PLEKHG6: variants seen among roughly 807,000 people sequenced by gnomAD.
PLEKHG6 encodes the protein pleckstrin homology and RhoGEF domain containing G6.
Under a neutral mutation model 97.5 loss-of-function variants are expected in PLEKHG6, and 91 were observed. The ratio of observed to expected loss-of-function variants is 0.93; its 90% CI spans 0.79 to 1.11. The LOEUF (loss-of-function observed/expected upper bound fraction) is 1.11, where lower values mean the gene tolerates loss of function less well. PLEKHG6 is among the 50% of genes most tolerant of loss of function. The pLI, the probability that PLEKHG6 is intolerant of heterozygous loss-of-function variation, is 0.00. For synonymous variants in PLEKHG6, 466 were observed against 425.5 expected, an observed-to-expected ratio of 1.10 and a Z score of -1.17; for missense variants, 1,044 against 1,031.0, an observed-to-expected ratio of 1.01 and a Z score of -0.17.
chr12:6,313,714 G>A lies in PLEKHG6; in HGVS notation c.224G>A (p.Arg75Gln), dbSNP rs145759111. 8.7e-5 allele frequency: 141 copies of A among 1,612,728 alleles called. No homozygotes were observed. Among genetic ancestry groups the A allele is most frequent in the Non-Finnish European group, 1.0e-4 (122 of 1,179,558 alleles). ...QARGLSPMRL[R>Q]DPEPEKRHGG... ...CGAGGCCTGTCACCCATGAGACTGC[G>A]AGATCCAGAGCCCGAGAAGAGGCAC... Residue 75 changes from arginine to glutamine, a missense_variant, in exon 3 of 16, where the codon CGA (arginine) becomes CAA (glutamine). Physicochemically the swap from Arg to Gln is conservative, Grantham distance 43 (BLOSUM62 1). Transcript: ENST00000684764.
chr12:6,312,085 C>A, intron 1 of PLEKHG6, 74 bp from the exon 2 acceptor site: 2 of 630,336 alleles, frequency 3.2e-6, no homozygotes, highest in Non-Finnish European at 2.5e-6. Flanking sequence ...AGGCCCCCTA[C>A]CAGCCTTGGT....
chr12:6,324,277 T>G (rs1036897952), intron 13 of PLEKHG6, among the ~76,000 whole-genome samples: 1 of 67,196 alleles, frequency 1.5e-5, no homozygotes. Context: ...TACTCGGGGC[T>G]CCCCCTCGCC....
chr12:6,314,868 T>C, intron 3 of PLEKHG6, 137 bp from the exon 4 acceptor site: 1 of 784,336 alleles, frequency 1.3e-6, no homozygotes, highest in Non-Finnish European at 2.1e-6. Context: ...TACTCAGTGC[T>C]GCTTGCCATC....
Position 6,315,238 on chromosome 12 carries a change from G to A in PLEKHG6, c.459+69G>A. The A allele has an allele frequency of 6.9e-7, 1 of 1,459,416 alleles. No homozygotes were observed. Among genetic ancestry groups the A allele is most frequent in the Non-Finnish European group, 9.3e-7 (1 of 1,077,440 alleles). 90.4% of individuals were successfully genotyped at this position (1,459,416 alleles called of 1,614,324 possible). On this transcript the variant is annotated intron_variant, in intron 4 of 15. Transcript: ENST00000684764. The surrounding 1 kb of genome is among the most constrained non-coding windows in gnomAD (Gnocchi z 4.5). Reference sequence around the variant, plus strand: ...ATGCACACACAGATTCTGCTCTAGAGGAGGGAAAGGCCTTGGGAAGTGGGG... The same window carrying A: ...ATGCACACACAGATTCTGCTCTAGAAGAGGGAAAGGCCTTGGGAAGTGGGG...
Position 6,325,509 on chromosome 12 carries a change from A to C in PLEKHG6, c.1525-919A>C, listed in dbSNP as rs3782720. On this transcript the variant is annotated intron_variant, in intron 13 of 15. Transcript: ENST00000684764. ...CCTGTATGAAATCGCTGAGGGAGGG[A>C]GAAGGCAGATAATATAATGCGTCCT... is the stretch of plus-strand genomic sequence containing the variant. Among the ~76,000 whole-genome samples the C allele has an allele frequency of 4.1e-4, 62 of 152,246 alleles. 1 individual carries two copies. The East Asian group carries it at 0.011, about 28-fold the overall frequency.
intron 3 of PLEKHG6, among the ~76,000 whole-genome samples, chr12:6,314,238 C>T (rs758376772): frequency 2.0e-5 from 3 of 152,102 alleles, no homozygotes; most frequent in Admixed American, 2.0e-4. Context: ...CGTGGTGGCT[C>T]ACACCTGTAA....
rs12424575 is a variant in PLEKHG6 at position 6,328,286 on chromosome 12, C to T, written c.*141C>T. The T allele has an allele frequency of 9.8e-3, 7,570 of 770,298 alleles. 716 individuals carry two copies. The Admixed American group carries it at 0.15, about 15-fold the overall frequency. 47.7% of individuals were successfully genotyped at this position (770,298 alleles called of 1,614,324 possible). On this transcript the variant is annotated 3_prime_UTR_variant, in exon 16 of 16. Coordinates refer to ENST00000684764, the MANE Select transcript of PLEKHG6 (RefSeq NM_001384598.1). ...CCTGGCCCAGGCACCCTGCCTCCTG[C>T]TCTGTTTGGGGATCAAGAACTGTAA... is the stretch of plus-strand genomic sequence containing the variant.
intron 13 of PLEKHG6, among the ~76,000 whole-genome samples, chr12:6,323,053 C>T (rs986611449): frequency 4.1e-5 from 6 of 146,616 alleles, no homozygotes; most frequent in African/African-American, 1.6e-4. Flanking sequence ...GGAACTGCCA[C>T]CTCCACCTTC....
rs556888787 is a variant in PLEKHG6, at chr12:6,318,395, G to A, written c.1250G>A (p.Arg417Gln). ...TRQLLLEGPVRVKEGREGKLD... is the reference protein window; with the variant it reads ...TRQLLLEGPVQVKEGREGKLD... ...CAGCTGCTGCTGGAGGGGCCTGTGC[G>A]AGTGAAGGAGGGACGAGAAGGGAAG... The change falls in exon 11 of 16, where the codon CGA becomes CAA. Residue 417 changes from arginine to glutamine, a missense_variant. Arg to Gln is a conservative substitution (Grantham distance 43). Transcript: ENST00000684764. 6 of 1,611,228 alleles carry A rather than the reference G, an allele frequency of 3.7e-6. No individual in the cohort carries two copies. The highest frequency in any genetic ancestry group is 2.2e-5 in the South Asian group (2 of 90,718).
At position 6,319,055 on chromosome 12, in the gene PLEKHG6, T is replaced by C; in HGVS notation, c.1471T>C (p.Cys491Arg). ...TGTCTCCAGCGCCCTCCTTGTGCAC[T>C]GTCCCAGTCCTACAGACCGTGCCCA... ...QCVSSALLVH[C>R]PSPTDRAQWL... The change falls in exon 13 of 16, where the codon TGT (cysteine) becomes CGT (arginine). Residue 491 changes from cysteine to arginine, a missense_variant. Physicochemically the swap from Cys to Arg is radical, Grantham distance 180. Coordinates refer to ENST00000684764, the MANE Select transcript of PLEKHG6 (RefSeq NM_001384598.1). 1.2e-6 allele frequency: 2 copies of C among 1,612,498 alleles called. No individual in the cohort carries two copies. Among genetic ancestry groups the C allele is most frequent in the Non-Finnish European group, 1.7e-6 (2 of 1,178,616 alleles).
In PLEKHG6 at chr12:6,315,671, C is replaced by A; in HGVS notation, c.555+22C>A. The A allele has an allele frequency of 6.8e-7, 1 of 1,475,864 alleles. No homozygotes were observed. Among genetic ancestry groups the A allele is most frequent in the Non-Finnish European group, 9.3e-7 (1 of 1,072,152 alleles). 91.4% of individuals were successfully genotyped at this position (1,475,864 alleles called of 1,614,324 possible). On this transcript the variant is annotated intron_variant, in intron 5 of 15. Coordinates refer to ENST00000684764, the MANE Select transcript of PLEKHG6 (RefSeq NM_001384598.1). The surrounding 1 kb of genome is among the most constrained non-coding windows in gnomAD (Gnocchi z 4.5). ...TGATGTGAGCCCCCCTCAGCCCCAGCCCCGGCCCCATCTTCCCTGCATGAG... is the reference window on the plus strand; with the variant it reads ...TGATGTGAGCCCCCCTCAGCCCCAGACCCGGCCCCATCTTCCCTGCATGAG...
In PLEKHG6 at chr12:6,328,140, G is replaced by A. The variant is rs750738163; in HGVS notation, c.2368G>A (p.Val790Ile). The change falls in exon 16 of 16, where the codon GTA becomes ATA. Residue 790 changes from valine to isoleucine, a missense_variant. Physicochemically the swap from Val to Ile is conservative, Grantham distance 29. Coordinates refer to ENST00000684764, the MANE Select transcript of PLEKHG6 (RefSeq NM_001384598.1). ...CACCCCCTCCTGTCTTTTCAGAGAG[G>A]TATGAGGAATGCAGAGGACCTTTGG... The part of the protein sequence containing the change: ...QLDTPLSASE[V>I] The A allele has an allele frequency of 7.4e-6, 12 of 1,614,090 alleles. No individual in the cohort carries two copies. Among genetic ancestry groups the A allele is most frequent in the Non-Finnish European group, 1.0e-5 (12 of 1,179,978 alleles).
chr12:6,310,880 GC>G (rs1466711240), intron 1 of PLEKHG6, 32 bp downstream of exon 1: 1 of 152,810 alleles, frequency 6.5e-6, no homozygotes, highest in African/African-American at 2.4e-5. Context: ...CGGCCCGGGG[GC>G]GGGGCGGCCG....
At position 6,322,610 on chromosome 12, in the gene PLEKHG6, G is replaced by A. The variant is rs983695539; in HGVS notation, c.1524+3502G>A. Among the ~76,000 whole-genome samples, 3 of 152,168 alleles carry A rather than the reference G, an allele frequency of 2.0e-5. 1 individual carries two copies. Among genetic ancestry groups the A allele is most frequent in the South Asian group, 4.1e-4 (2 of 4,830 alleles). ...TCAAATTTTCTTGGCCAGGCGTAGT[G>A]GCTCACCTCCTCTAATCCCAGCACT... is the stretch of plus-strand genomic sequence containing the variant. On this transcript the variant is annotated intron_variant, in intron 13 of 15. Transcript: ENST00000684764.
Position 6,317,543 on chromosome 12 carries a change from G to A in PLEKHG6, c.868-4G>A. The A allele has an allele frequency of 6.2e-7, 1 of 1,613,434 alleles. No individual in the cohort carries two copies. The highest frequency in any genetic ancestry group is 2.2e-5 in the East Asian group (1 of 44,888). The stretch of plus-strand genomic sequence containing the variant: ...ACCCTGAGCCCCACCCACCTTCCCT[G>A]CAGTGGTGTGAGAAGCACAAGCGCT... On this transcript the variant is annotated splice_polypyrimidine_tract_variant and splice_region_variant and intron_variant, in intron 8 of 15. Coordinates refer to ENST00000684764, the MANE Select transcript of PLEKHG6 (RefSeq NM_001384598.1).
chr12:6,318,144 T>A, intron 10 of PLEKHG6, 150 bp downstream of exon 10: 2 of 1,386,896 alleles, frequency 1.4e-6, no homozygotes, highest in South Asian at 2.7e-5. Context: ...GGGGTACAGG[T>A]CAGAAGAGCA....
chr12:6,322,026 C>A (rs1947722050), intron 13 of PLEKHG6, among the ~76,000 whole-genome samples: 1 of 152,138 alleles, frequency 6.6e-6, no homozygotes, highest in Non-Finnish European at 1.5e-5. Flanking sequence ...TGACTACCTG[C>A]TTCCTAGGGA....
chr12:6,316,904 T>C lies in PLEKHG6; in HGVS notation c.757-399T>C, dbSNP rs1429882729. On this transcript the variant is annotated intron_variant, in intron 7 of 15. Transcript: ENST00000684764. This position sits in a 1 kb window ranked among gnomAD's most constrained non-coding sequence, Gnocchi z 4.1. ...GCGTACTGCCCCTGGGAGCCTTAGG[T>C]ACCCCCTCCATAGGAGCAAGGCTTC... is the stretch of plus-strand genomic sequence containing the variant. Among the ~76,000 whole-genome samples, 1 of 152,234 alleles carries C rather than the reference T, an allele frequency of 6.6e-6. No individual in the cohort carries two copies. The highest frequency in any genetic ancestry group is 6.5e-5 in the Admixed American group (1 of 15,286).
intron 13 of PLEKHG6, among the ~76,000 whole-genome samples, chr12:6,324,399 G>A (rs1947803580): frequency 3.3e-5 from 5 of 152,002 alleles, no homozygotes; most frequent in Middle Eastern, 3.4e-3. Flanking sequence ...CTTCCTTCCA[G>A]TTCTTCTTTC....
Sources: gnomAD v4.1 joint callset for allele counts (sites outside exome capture counted in the v4.1 genomes callset) on GRCh38, gnomAD v4.1.1 for gene constraint, Gnocchi (gnomAD v3.1) non-coding constraint, MANE v1.5 for transcripts, NCBI Gene and HGNC (gene_info 2026-07-23, HGNC 2026-07-21) for gene names.